The following RELN variants were observed in gnomAD, a reference collection of about 807,000 sequenced individuals.
RELN encodes the protein reelin.
A neutral mutation model predicts 427.6 loss-of-function variants in RELN; 108 were observed. The ratio of observed to expected loss-of-function variants is 0.25; its 90% CI spans 0.22 to 0.30. The LOEUF (loss-of-function observed/expected upper bound fraction) is 0.30, where lower values mean the gene tolerates loss of function less well. Among genes scored for constraint, RELN ranks in the 10% least tolerant of loss-of-function variants. The pLI is 1.00. For synonymous variants in RELN, 1,524 were observed against 1,513.4 expected, an observed-to-expected ratio of 1.01 and a Z score of -0.16; for missense variants, 3,715 against 4,302.8, an observed-to-expected ratio of 0.86 and a Z score of 3.82.
intron 2 of RELN, among the ~76,000 whole-genome samples, chr7:103,898,694 G>A (rs1423994291): frequency 6.6e-6 from 1 of 151,796 alleles, no homozygotes; most frequent in African/African-American, 2.4e-5. Context: ...TGAATATTTT[G>A]CTCACATATA....
intron 11 of RELN, among the ~76,000 whole-genome samples, chr7:103,669,270 G>C (rs1833338534): frequency 6.6e-6 from 1 of 152,180 alleles, no homozygotes; most frequent in Non-Finnish European, 1.5e-5. Context: ...AAAAGGCAGA[G>C]ATAAATCTGC....
At chr7:103,474,730 C>CA (rs2116951106) in intron 64 of RELN, among the ~76,000 whole-genome samples, 1 of 151,988 alleles carries the variant, frequency 6.6e-6, no homozygotes, top group East Asian at 1.9e-4. Context: ...CCAGCATCCT[C>CA]AGTCGCCTTA....
intron 8 of RELN, among the ~76,000 whole-genome samples, chr7:103,703,549 A>AG (rs1257481122): frequency 1.3e-5 from 2 of 152,196 alleles, no homozygotes; most frequent in Non-Finnish European, 2.9e-5. Context: ...GGGAGTGAGG[A>AG]GGGAATGCTA....
chr7:103,633,918 A>G (rs1832523413), intron 19 of RELN, among the ~76,000 whole-genome samples: 2 of 152,104 alleles, frequency 1.3e-5, no homozygotes, highest in Admixed American at 1.3e-4. Context: ...CTACTCAGTA[A>G]GAAAGTTGAG....
At chr7:103,951,761 C>T (rs1279845263) in intron 1 of RELN, among the ~76,000 whole-genome samples, 2 of 152,156 alleles carry the variant, frequency 1.3e-5, no homozygotes, top group Non-Finnish European at 2.9e-5. Context: ...CAATCTCCAC[C>T]TCCCAGGTTC....
In RELN at chr7:103,482,927, C is replaced by T. The variant is rs755131349; in HGVS notation, c.10226G>A (p.Arg3409His). ...KGVLLRWWQPRHNGTGHDQWA... is the reference protein window; with the variant it reads ...KGVLLRWWQPHHNGTGHDQWA... The stretch of plus-strand genomic sequence containing the variant: ...TTGATCATGACCTGTTCCATTGTGG[C>T]GTGGTTGCCACCAGCGCAGTAAGAC... The change falls in exon 63 of 65, where the codon CGC (arginine) becomes CAC (histidine). Residue 3409 changes from arginine to histidine, a missense_variant. Arg to His is a conservative substitution (Grantham distance 29). Coordinates refer to ENST00000428762, the MANE Select transcript of RELN (RefSeq NM_005045.4). 5 of 1,614,150 alleles carry T rather than the reference C, an allele frequency of 3.1e-6. No homozygotes were observed. The highest frequency in any genetic ancestry group is 1.7e-5 in the Admixed American group (1 of 60,022).
At chr7:103,650,433 T>C (rs760479752) in intron 15 of RELN, 50 bp from the exon 16 acceptor site, 1 of 1,116,040 alleles carries the variant, frequency 9.0e-7, no homozygotes, top group South Asian at 1.2e-5. Flanking sequence ...TTCATATCTT[T>C]AGAATCTATT....
intron 2 of RELN, among the ~76,000 whole-genome samples, chr7:103,892,400 A>T (rs4006768): frequency 0.4 from 61,339 of 152,066 alleles, 13,412 homozygotes; most frequent in East Asian, 0.83. Context: ...CTAACAAATT[A>T]AAAGGGTGAA....
chr7:103,793,898 C>A (rs140104585), intron 3 of RELN, among the ~76,000 whole-genome samples: 39 of 152,202 alleles, frequency 2.6e-4, no homozygotes, highest in Non-Finnish European at 5.6e-4. Context: ...TTCAGAGTAG[C>A]TGGAACTACA....
At chr7:103,876,434 C>T (rs1263618762) in intron 2 of RELN, among the ~76,000 whole-genome samples, 1 of 152,074 alleles carries the variant, frequency 6.6e-6, no homozygotes, top group Non-Finnish European at 1.5e-5. Flanking sequence ...TCCTGTCCTT[C>T]CAAAAGTATT....
chr7:103,673,924 C>T (rs761594666), intron 11 of RELN, among the ~76,000 whole-genome samples: 7 of 152,010 alleles, frequency 4.6e-5, no homozygotes, highest in Non-Finnish European at 8.8e-5. Context: ...TCCTCCTCTT[C>T]CCTGCCCCTC....
intron 4 of RELN, among the ~76,000 whole-genome samples, chr7:103,753,478 A>G (rs1441495351): frequency 6.6e-6 from 1 of 152,226 alleles, no homozygotes. Context: ...AGCTCTAATT[A>G]AAGATTTTCT....
intron 29 of RELN, 46 bp from the exon 30 acceptor site, chr7:103,574,345 T>C (rs1278828880): frequency 5.2e-6 from 8 of 1,532,702 alleles, no homozygotes; most frequent in Non-Finnish European, 7.2e-6. Flanking sequence ...TTGGAATCAT[T>C]CAAAACGAGG....
rs776406996 is a variant in RELN at position 103,572,265 on chromosome 7, G to A, written c.4512-5C>T. ...TGTATATAAAATTGAACAAGTCTGG[G>A]GAATAAAAACTTTAGTTTACTTACA... On this transcript the variant is annotated splice_region_variant and splice_polypyrimidine_tract_variant and intron_variant, in intron 30 of 64. Coordinates refer to ENST00000428762, the MANE Select transcript of RELN (RefSeq NM_005045.4). The A allele has an allele frequency of 1.0e-5, 16 of 1,526,838 alleles. No individual in the cohort carries two copies. The Admixed American group carries it at 1.8e-4, about 18-fold the overall frequency. 94.6% of individuals were successfully genotyped at this position (1,526,838 alleles called of 1,614,324 possible). A position where few individuals can be genotyped will look rare whatever the true frequency, so the allele number is the denominator to read the frequency against.
At chr7:103,949,432 G>A (rs1392486524) in intron 1 of RELN, among the ~76,000 whole-genome samples, 2 of 151,952 alleles carry the variant, frequency 1.3e-5, no homozygotes, top group African/African-American at 2.4e-5. Flanking sequence ...TAGAGGTGGG[G>A]ACTTTGGGAG....
chr7:103,547,532 A>G (rs1830326829), intron 41 of RELN, among the ~76,000 whole-genome samples: 1 of 152,150 alleles, frequency 6.6e-6, no homozygotes, highest in Non-Finnish European at 1.5e-5. Flanking sequence ...CCTGACCTCA[A>G]GTGATCCGCC....
intron 1 of RELN, among the ~76,000 whole-genome samples, chr7:103,932,650 T>A (rs1795891738): frequency 6.6e-6 from 1 of 152,222 alleles, no homozygotes; most frequent in Non-Finnish European, 1.5e-5. Context: ...GGAGTCAGAA[T>A]GGCTAGCAGC....
intron 10 of RELN, among the ~76,000 whole-genome samples, chr7:103,687,052 C>T (rs925013338): frequency 7.9e-5 from 12 of 151,960 alleles, no homozygotes; most frequent in Non-Finnish European, 1.8e-4. Context: ...TCATTAATTT[C>T]TGGATTCATT....
At chr7:103,612,331 G>A (rs866505963) in intron 20 of RELN, among the ~76,000 whole-genome samples, 4 of 148,028 alleles carry the variant, frequency 2.7e-5, no homozygotes, top group Admixed American at 6.7e-5. Context: ...TTTTTGAGAC[G>A]GAGTTTTGAT....
Sources: allele counts gnomAD v4.1 joint callset (sites outside exome capture counted in the v4.1 genomes callset), GRCh38; gene constraint gnomAD v4.1.1; transcripts MANE v1.5; gene names NCBI Gene and HGNC (gene_info 2026-07-23, HGNC 2026-07-21).